Variants in CHODL observed in about 807,000 individuals in gnomAD.
CHODL encodes transmembrane protein MT75.
A neutral mutation model predicts 34.5 loss-of-function variants in CHODL; 29 were observed. The ratio of observed to expected loss-of-function variants is 0.84; its 90% CI spans 0.63 to 1.15. The LOEUF (loss-of-function observed/expected upper bound fraction) is 1.15, where lower values mean the gene tolerates loss of function less well. Among genes scored for constraint, CHODL ranks in the 50% most tolerant of loss-of-function variants. The pLI, the probability that CHODL is intolerant of heterozygous loss-of-function variation, is 0.00. For missense variants in CHODL, 332 were observed against 332.5 expected, an observed-to-expected ratio of 1.00 and a Z score of 0.01; for synonymous variants, 125 against 116.1, an observed-to-expected ratio of 1.08 and a Z score of -0.49.
intron 1 of CHODL, among the ~76,000 whole-genome samples, chr21:17,940,918 C>T (rs992613714): frequency 2.0e-5 from 3 of 152,138 alleles, no homozygotes; most frequent in Non-Finnish European, 4.4e-5. Context: ...ATCTGATTTC[C>T]ACTTGGATAA....
chr21:18,008,856 G>A (rs1242874808), intron 1 of CHODL, among the ~76,000 whole-genome samples: 1 of 152,148 alleles, frequency 6.6e-6, no homozygotes, highest in Non-Finnish European at 1.5e-5. Flanking sequence ...GCCTCGTCTA[G>A]TTGTTCTTTG....
chr21:17,975,915 A>G (rs151137412), intron 1 of CHODL, among the ~76,000 whole-genome samples: 5 of 152,346 alleles, frequency 3.3e-5, no homozygotes, highest in Non-Finnish European at 7.3e-5. Flanking sequence ...AGATATTTTA[A>G]CTATGAAAGT....
intron 2 of CHODL, among the ~76,000 whole-genome samples, chr21:18,043,199 G>A (rs1294706162): frequency 1.3e-5 from 2 of 151,930 alleles, no homozygotes; most frequent in Admixed American, 1.3e-4. Context: ...ACTCATTGCA[G>A]GGCTAGCCTC....
intron 5 of CHODL, among the ~76,000 whole-genome samples, chr21:18,263,626 T>C (rs1204360329): frequency 6.6e-6 from 1 of 152,048 alleles, no homozygotes; most frequent in Admixed American, 6.5e-5. Flanking sequence ...TAAATATGTA[T>C]CAAAAGGAAA....
chr21:18,203,715 A>G (rs1235919385), intron 2 of CHODL, among the ~76,000 whole-genome samples: 1 of 152,154 alleles, frequency 6.6e-6, no homozygotes, highest in Non-Finnish European at 1.5e-5. Flanking sequence ...AACTAATTTG[A>G]CATTAATCAA....
chr21:17,917,764 G>T (rs1284585238), intron 1 of CHODL, among the ~76,000 whole-genome samples: 1 of 152,158 alleles, frequency 6.6e-6, no homozygotes, highest in Non-Finnish European at 1.5e-5. Flanking sequence ...ACACAGAGAA[G>T]AGTAAAGAGT....
rs1296962924 is a variant in CHODL at position 18,193,707 on chromosome 21, A to AT, written c.-44-62802_-44-62801insT. ...CAAGACTCTGTCTCAGAAAAAAAAA[A>AT]AAATAAAATAAATAAATAAATAAAT... is the stretch of plus-strand genomic sequence containing the variant. On this transcript the variant is annotated intron_variant, in intron 2 of 6. Coordinates refer to the CHODL transcript ENST00000400127. 2.6e-4 allele frequency among the ~76,000 whole-genome samples: 37 copies of AT among 141,444 alleles called. No individual in the cohort carries two copies. In the South Asian group the frequency reaches 3.4e-3, roughly 13 times the overall value. The allele number at this position is 141,444 out of a possible 152,430, so 92.8% of individuals were successfully genotyped here.
intron 2 of CHODL, among the ~76,000 whole-genome samples, chr21:18,115,234 T>G (rs746459594): frequency 2.6e-5 from 4 of 152,234 alleles, no homozygotes; most frequent in Non-Finnish European, 5.9e-5. Context: ...GCCGGAATCC[T>G]GGAACTCAGC....
chr21:18,038,284 T>G (rs2064334409), intron 2 of CHODL, among the ~76,000 whole-genome samples: 1 of 151,684 alleles, frequency 6.6e-6, no homozygotes, highest in Admixed American at 6.6e-5. Context: ...TCCCAATGTA[T>G]AAGGGCTCAG....
intron 2 of CHODL, among the ~76,000 whole-genome samples, chr21:18,139,727 A>G (rs1374979455): frequency 1.3e-5 from 2 of 152,170 alleles, no homozygotes; most frequent in African/African-American, 4.8e-5. Flanking sequence ...AAAATCACCC[A>G]CGACATTTAG....
chr21:17,983,172 A>T (rs922533169), intron 1 of CHODL, among the ~76,000 whole-genome samples: 1 of 152,210 alleles, frequency 6.6e-6, no homozygotes, highest in Non-Finnish European at 1.5e-5. Context: ...TCTAACCTCA[A>T]ATATGTCATA....
At chr21:17,919,906 A>G (rs2063170967) in intron 1 of CHODL, among the ~76,000 whole-genome samples, 1 of 152,166 alleles carries the variant, frequency 6.6e-6, no homozygotes, top group Non-Finnish European at 1.5e-5. Flanking sequence ...GAGTCCTGCA[A>G]ATCTCTAGGG....
At chr21:17,997,936 AATT>A (rs1489591590) in intron 1 of CHODL, among the ~76,000 whole-genome samples, 2 of 152,068 alleles carry the variant, frequency 1.3e-5, no homozygotes, top group Non-Finnish European at 2.9e-5. Flanking sequence ...TTTCAAAACT[AATT>A]ATGCCTTCCC....
At chr21:18,032,138 A>G (rs1324148272) in intron 2 of CHODL, among the ~76,000 whole-genome samples, 1 of 152,054 alleles carries the variant, frequency 6.6e-6, no homozygotes, top group Non-Finnish European at 1.5e-5. Flanking sequence ...AGGTCAAGAT[A>G]TATATTGTAC....
In CHODL at chr21:18,267,247, G is replaced by C. The variant is rs2074476301; in HGVS notation, c.*1209G>C. On this transcript the variant is annotated 3_prime_UTR_variant, in exon 6 of 6. Transcript: ENST00000299295. ...AGATAGAAAATGGTGGCTCCTTTCT[G>C]TCTTATCTCCTAGTTTCTTCAATGC... 6.6e-6 allele frequency: 1 copy of C among 152,116 alleles called. No individual in the cohort carries two copies. Among genetic ancestry groups the C allele is most frequent in the Non-Finnish European group, 1.5e-5 (1 of 68,042 alleles). 9.4% of individuals were successfully genotyped at this position (152,116 alleles called of 1,614,324 possible).
chr21:18,007,758 A>G (rs1293211093), intron 1 of CHODL, among the ~76,000 whole-genome samples: 1 of 152,220 alleles, frequency 6.6e-6, no homozygotes, highest in African/African-American at 2.4e-5. Flanking sequence ...TTTTCACTAT[A>G]TGGAAAATAT....
chr21:18,055,322 A>G (rs1033176475), intron 2 of CHODL, among the ~76,000 whole-genome samples: 3 of 152,020 alleles, frequency 2.0e-5, no homozygotes, highest in Admixed American at 6.6e-5. Context: ...CTCTTCCTCA[A>G]TTGTGTTTCC....
intron 2 of CHODL, among the ~76,000 whole-genome samples, chr21:18,094,154 AT>A (rs1258368608): frequency 6.6e-6 from 1 of 152,204 alleles, no homozygotes; most frequent in Non-Finnish European, 1.5e-5. Context: ...AAAAGGATCA[AT>A]TCAGCAACAG....
chr21:17,981,908 C>A (rs2063716854), intron 1 of CHODL, among the ~76,000 whole-genome samples: 1 of 152,092 alleles, frequency 6.6e-6, no homozygotes, highest in Non-Finnish European at 1.5e-5. Flanking sequence ...GTATGAAAGC[C>A]AAACTTTCAA....
Sources: allele counts gnomAD v4.1 joint callset (sites outside exome capture counted in the v4.1 genomes callset), GRCh38; gene constraint gnomAD v4.1.1; transcripts MANE v1.5; gene names NCBI Gene and HGNC (gene_info 2026-07-23, HGNC 2026-07-21).